The following SMUG1 variants were observed in gnomAD, a reference collection of about 807,000 sequenced individuals.
The protein encoded by SMUG1 is single-strand selective monofunctional uracil DNA glycosylase.
A neutral mutation model predicts 23.9 loss-of-function variants in SMUG1; 13 were observed. That is an observed-to-expected ratio of 0.54 (90% CI 0.35 to 0.86). The LOEUF (loss-of-function observed/expected upper bound fraction) is 0.86. SMUG1 is among the 40% of genes least tolerant of loss of function. The probability of loss-of-function intolerance (pLI) is 0.01; values close to 1 mark genes in which losing one functional copy is unlikely to be tolerated. For synonymous variants in SMUG1, 133 were observed against 139.8 expected (o/e 0.95, Z 0.34); for missense variants, 313 against 339.5 (o/e 0.92, Z 0.61).
At chr12:54,183,619 C>A in intron 3 of SMUG1, 37 bp downstream of exon 3, 2 of 1,607,060 alleles carry the variant, frequency 1.2e-6, no homozygotes, top group Non-Finnish European at 1.7e-6. Flanking sequence ...CACCTAGAAC[C>A]CCCCACTCCA....
chr12:54,177,054 G>A (rs1212575239), downstream of SMUG1, among the ~76,000 whole-genome samples: 2 of 152,156 alleles, frequency 1.3e-5, no homozygotes, highest in African/African-American at 2.4e-5. Flanking sequence ...TGGCACACGG[G>A]TAGCTTTCCC....
At chr12:54,170,999 CTT>C (rs200562796) in intron 3 of SMUG1, among the ~76,000 whole-genome samples, 16 of 142,368 alleles carry the variant, frequency 1.1e-4, no homozygotes, top group Admixed American at 2.1e-4. Context: ...TTCTTTCTTT[CTT>C]TTTTTTTTTT....
intron 2 of SMUG1, among the ~76,000 whole-genome samples, chr12:54,175,326 A>C (rs1940726817): frequency 6.6e-6 from 1 of 152,150 alleles, no homozygotes; most frequent in African/African-American, 2.4e-5. Context: ...CCATCCCCAA[A>C]GTTAACAGAT....
downstream of SMUG1, among the ~76,000 whole-genome samples, chr12:54,175,943 G>A (rs1007436773): frequency 2.0e-5 from 3 of 152,174 alleles, no homozygotes; most frequent in Non-Finnish European, 2.9e-5. Context: ...ATAAAAGGCC[G>A]GGGCCAGGCA....
chr12:54,171,579 AGT>A (rs1940619504), intron 3 of SMUG1, among the ~76,000 whole-genome samples: 1 of 148,724 alleles, frequency 6.7e-6, no homozygotes, highest in Admixed American at 6.7e-5. Context: ...AATCCCAGCT[AGT>A]CCGGAGGCTG....
downstream of SMUG1, among the ~76,000 whole-genome samples, chr12:54,179,368 CCA>C (rs1168970285): frequency 5.3e-5 from 8 of 152,246 alleles, no homozygotes; most frequent in Admixed American, 4.6e-4. Context: ...CAAAACTTTC[CCA>C]GTCTTAAGGC....
chr12:54,181,668 TA>T lies in SMUG1; in HGVS notation c.*427del. The stretch of plus-strand genomic sequence containing the variant: ...GGTCCCTGTGAGGAAAGGGGTCAGC[TA>T]AAGGTAACTGTTCTATAAGGATGGG... On this transcript the variant is annotated 3_prime_UTR_variant, in exon 4 of 4. Transcript: ENST00000682136. 6.3e-7 allele frequency: 1 copy of T among 1,587,660 alleles called. No homozygotes were observed. The highest frequency in any genetic ancestry group is 1.7e-5 in the Admixed American group (1 of 58,394).
downstream of SMUG1, among the ~76,000 whole-genome samples, chr12:54,159,955 T>A (rs979362736): frequency 1.2e-4 from 19 of 152,234 alleles, no homozygotes; most frequent in African/African-American, 4.6e-4. Context: ...GCCTTCTTTG[T>A]GTGTGCACAG....
At chr12:54,183,325 T>C in intron 3 of SMUG1, 1 of 497,438 alleles carries the variant, frequency 2.0e-6, no homozygotes, top group South Asian at 3.6e-5. Context: ...CCAGCAGTCC[T>C]AGTCCCTCTT....
In SMUG1 at chr12:54,182,262, A is replaced by G; in HGVS notation, c.647T>C (p.Leu216Pro). The G allele has an allele frequency of 1.2e-6, 2 of 1,612,026 alleles. No individual in the cohort carries two copies. Among genetic ancestry groups the G allele is most frequent in the Non-Finnish European group, 1.7e-6 (2 of 1,178,714 alleles). Reference protein sequence around the residue: ...GVRLVVGVGRLAEQRARRALA... With the variant: ...GVRLVVGVGRPAEQRARRALA... ...AGCCCGTCGTGCCCGCTGCTCTGCC[A>G]GTCGCCCAACTCCCACCACCAGCCG... Residue 216 changes from leucine (L) to proline (P), a missense_variant, in exon 4 of 4, where the codon CTG (leucine) becomes CCG (proline). Coordinates refer to ENST00000682136, the MANE Select transcript of SMUG1 (RefSeq NM_001243787.2).
Position 54,182,464 on chromosome 12 carries a change from AG to A in SMUG1, c.444del (p.Cys149ValfsTer80), listed in dbSNP as rs1161176028. 1 of 1,613,824 alleles carries A rather than the reference AG, an allele frequency of 6.2e-7. No individual in the cohort carries two copies. The highest frequency in any genetic ancestry group is 8.5e-7 in the Non-Finnish European group (1 of 1,179,980). On this transcript the variant is annotated frameshift_variant, in exon 4 of 4. Transcript: ENST00000682136. LOFTEE classifies it high-confidence loss of function. ...TGGAAGAAGACCTCAGGCTGTCCAC[AG>A]AGGTTCCGGAAAAAGCCCCAGAATC... ...GARFWGFFRNLCGQPEVFFHH... is the reference protein window; with the variant it reads ...GARFWGFFRNXCGQPEVFFHH...
downstream of SMUG1, among the ~76,000 whole-genome samples, chr12:54,177,839 T>C (rs920281872): frequency 6.6e-6 from 1 of 152,122 alleles, no homozygotes; most frequent in Non-Finnish European, 1.5e-5. Flanking sequence ...CCCTAGTTTG[T>C]TTATGGTTGA....
At chr12:54,174,373 AC>A (rs1445450463) in intron 2 of SMUG1, among the ~76,000 whole-genome samples, 1 of 152,220 alleles carries the variant, frequency 6.6e-6, no homozygotes, top group Admixed American at 6.5e-5. Context: ...GAACAAAAAA[AC>A]AACCCAAATT....
At position 54,187,815 on chromosome 12, in the gene SMUG1, T is replaced by C. The variant is rs1942818729; in HGVS notation, c.-20+4A>G. On this transcript the variant is annotated splice_donor_region_variant and intron_variant, in intron 2 of 3. Transcript: ENST00000682136. ...TTTTTTTTCAATACTTATGAGTCTC[T>C]TACATGACAGGCACTGCAGCAGTCT... 1 of 151,974 alleles carries C rather than the reference T, an allele frequency of 6.6e-6. No individual in the cohort carries two copies. Among genetic ancestry groups the C allele is most frequent in the Non-Finnish European group, 1.5e-5 (1 of 68,022 alleles). 9.4% of individuals were successfully genotyped at this position (151,974 alleles called of 1,614,324 possible).
At chr12:54,183,202 TGGAGCCAGGCTCTG>T in intron 3 of SMUG1, 1 of 238,022 alleles carries the variant, frequency 4.2e-6, no homozygotes, top group East Asian at 8.7e-5. Flanking sequence ...GGGCAGGCAC[TGGAGCCAGGCTCTG>T]TTTTGAACCT....
chr12:54,172,126 C>A (rs1940635985), intron 2 of SMUG1: 1 of 452,736 alleles, frequency 2.2e-6, no homozygotes, highest in Admixed American at 2.4e-5. Flanking sequence ...AAAGACAAGG[C>A]AGATCATGTC....
At position 54,182,062 on chromosome 12, in the gene SMUG1, C is replaced by T. The variant is rs1408739138; in HGVS notation, c.*34G>A. 20 of 1,516,342 alleles carry T rather than the reference C, an allele frequency of 1.3e-5. No individual in the cohort carries two copies. Among genetic ancestry groups the T allele is most frequent in the Non-Finnish European group, 1.8e-5 (20 of 1,133,428 alleles). The allele number at this position is 1,516,342 out of a possible 1,614,324, so 93.9% of individuals were successfully genotyped here. ...GCTTGGCCAAGAATGACTTCGAGGTCTTGAATGTGTCCCATGCAAGGCCCC... is the reference window on the plus strand; with the variant it reads ...GCTTGGCCAAGAATGACTTCGAGGTTTTGAATGTGTCCCATGCAAGGCCCC... On this transcript the variant is annotated 3_prime_UTR_variant, in exon 4 of 4. Coordinates refer to ENST00000682136, the MANE Select transcript of SMUG1 (RefSeq NM_001243787.2).
intron 3 of SMUG1, 33 bp downstream of exon 3, chr12:54,183,623 C>A (rs372811736): frequency 1.8e-5 from 29 of 1,611,500 alleles, no homozygotes; most frequent in South Asian, 1.5e-4. Context: ...TAGAACCCCC[C>A]ACTCCACCCA....
chr12:54,177,119 G>A (rs886707653), downstream of SMUG1, among the ~76,000 whole-genome samples: 2 of 152,226 alleles, frequency 1.3e-5, no homozygotes, highest in African/African-American at 4.8e-5. Context: ...CTTTGTGCCA[G>A]GTGTGGGATT....
Sources: allele counts gnomAD v4.1 joint callset (sites outside exome capture counted in the v4.1 genomes callset), GRCh38; gene constraint gnomAD v4.1.1; transcripts MANE v1.5; gene names NCBI Gene and HGNC (gene_info 2026-07-23, HGNC 2026-07-21).